STX8: variants seen among roughly 807,000 people sequenced by gnomAD.
The protein encoded by STX8 is syntaxin 8.
Under a neutral mutation model 37.5 loss-of-function variants are expected in STX8, and 23 were observed. The ratio of observed to expected loss-of-function variants is 0.61; its 90% CI spans 0.44 to 0.87. The LOEUF (loss-of-function observed/expected upper bound fraction) is 0.87. Ranked by LOEUF, STX8 falls within the 40% of genes least tolerant of loss-of-function variation. The pLI, the probability that STX8 is intolerant of heterozygous loss-of-function variation, is 0.00. For missense variants in STX8, 313 were observed against 284.7 expected (o/e 1.10, Z -0.71); for synonymous variants, 115 against 99.1 (o/e 1.16, Z -0.95).
intron 7 of STX8, among the ~76,000 whole-genome samples, chr17:9,343,805 G>A (rs1311754636): frequency 2.0e-5 from 3 of 151,962 alleles, no homozygotes; most frequent in African/African-American, 7.3e-5. Flanking sequence ...CTTCTGCTGC[G>A]AAGCTTCCAC....
Position 9,267,757 on chromosome 17 carries a change from G to A in STX8, c.644-17112C>T, listed in dbSNP as rs190088561. Among the ~76,000 whole-genome samples, 453 of 152,302 alleles carry A rather than the reference G, an allele frequency of 3.0e-3. 3 individuals are homozygous for A. Among genetic ancestry groups the A allele is most frequent in the African/African-American group, 0.01 (432 of 41,562 alleles). ...TAATCCCAGCACTTTGGGAGCCAGA[G>A]GCAGGTGGATCATCTGAGGTCAGGA... On this transcript the variant is annotated intron_variant, in intron 7 of 7. Coordinates refer to ENST00000306357, the MANE Select transcript of STX8 (RefSeq NM_004853.3).
At chr17:9,549,795 T>C (rs1436021430) in intron 3 of STX8, among the ~76,000 whole-genome samples, 1 of 152,114 alleles carries the variant, frequency 6.6e-6, no homozygotes, top group Non-Finnish European at 1.5e-5. Flanking sequence ...ATGTAAGGGT[T>C]GTTATTAGTA....
intron 6 of STX8, among the ~76,000 whole-genome samples, chr17:9,400,647 C>T (rs532718991): frequency 3.5e-4 from 54 of 152,262 alleles, no homozygotes; most frequent in African/African-American, 1.1e-3. Flanking sequence ...TCAGGTGATC[C>T]GCCTGCCTTG....
At chr17:9,315,622 A>G (rs1909358558) in intron 7 of STX8, among the ~76,000 whole-genome samples, 2 of 152,346 alleles carry the variant, frequency 1.3e-5, no homozygotes, top group South Asian at 4.1e-4. Flanking sequence ...CAACCTGTTC[A>G]GCATAAATTC....
chr17:9,293,609 A>T (rs1403869444), intron 7 of STX8, among the ~76,000 whole-genome samples: 1 of 152,152 alleles, frequency 6.6e-6, no homozygotes, highest in Non-Finnish European at 1.5e-5. Context: ...CTACCCAGAA[A>T]ATGTTACCAT....
intron 7 of STX8, among the ~76,000 whole-genome samples, chr17:9,356,581 T>C (rs1910886436): frequency 6.6e-6 from 1 of 152,224 alleles, no homozygotes; most frequent in Admixed American, 6.5e-5. Context: ...CTTCCTGTTA[T>C]GTTCTGCCAA....
At position 9,339,341 on chromosome 17, in the gene STX8, CTTAA is replaced by C. The variant is rs539440718; in HGVS notation, c.643+39207_643+39210del. 3.1e-3 allele frequency among the ~76,000 whole-genome samples: 476 copies of C among 152,202 alleles called. 1 individual carries two copies. Among genetic ancestry groups the C allele is most frequent in the Non-Finnish European group, 5.3e-3 (362 of 68,010 alleles). On this transcript the variant is annotated intron_variant, in intron 7 of 7. Transcript: ENST00000306357. ...AACCAATCAAGAAAACTTCTAGGAA[CTTAA>C]TTAACTCCAGTATAAAAGGACTCCT...
At chr17:9,281,826 C>A (rs754294138) in intron 7 of STX8, among the ~76,000 whole-genome samples, 3 of 152,090 alleles carry the variant, frequency 2.0e-5, no homozygotes, top group African/African-American at 7.2e-5. Context: ...CCCAGCTACT[C>A]GGGAGGCTGA....
At chr17:9,525,504 A>G (rs1905530425) in intron 4 of STX8, among the ~76,000 whole-genome samples, 1 of 151,244 alleles carries the variant, frequency 6.6e-6, no homozygotes, top group Admixed American at 6.6e-5. Flanking sequence ...CCGCCACCAC[A>G]CCCAGCTAAT....
chr17:9,372,512 T>C (rs1445560372), intron 7 of STX8, among the ~76,000 whole-genome samples: 1 of 152,010 alleles, frequency 6.6e-6, no homozygotes, highest in Non-Finnish European at 1.5e-5. Context: ...GAGTCATGCT[T>C]TTTTGCCCAG....
intron 5 of STX8, among the ~76,000 whole-genome samples, chr17:9,501,061 T>C (rs1376314325): frequency 6.6e-6 from 1 of 152,080 alleles, no homozygotes; most frequent in East Asian, 1.9e-4. Context: ...ATAAAAGATA[T>C]ATAAGACACG....
chr17:9,461,531 C>T (rs1407389548), intron 6 of STX8, among the ~76,000 whole-genome samples: 1 of 151,974 alleles, frequency 6.6e-6, no homozygotes, highest in African/African-American at 2.4e-5. Context: ...ACAGTAAGCC[C>T]AAAGGGAGGC....
At chr17:9,404,051 A>G (rs1394099194) in intron 6 of STX8, among the ~76,000 whole-genome samples, 3 of 152,174 alleles carry the variant, frequency 2.0e-5, no homozygotes, top group Non-Finnish European at 4.4e-5. Flanking sequence ...TGTATATGTT[A>G]TATGTATTAT....
chr17:9,466,468 A>G (rs1905619116), intron 6 of STX8, among the ~76,000 whole-genome samples: 1 of 152,172 alleles, frequency 6.6e-6, no homozygotes, highest in South Asian at 2.1e-4. Context: ...TTCCAAGATG[A>G]AAGGCATTTT....
Position 9,345,848 on chromosome 17 carries a change from C to CTTTCTTTT in STX8, c.643+32703_643+32704insAAAAGAAA, listed in dbSNP as rs1555599095. On this transcript the variant is annotated intron_variant, in intron 7 of 7. Transcript: ENST00000306357. ...CATTATACCTCCGGGTTATGCATTCCTTTTTTTTTTTTTTTTTTTTGAGAT... is the reference window on the plus strand; with the variant it reads ...CATTATACCTCCGGGTTATGCATTCCTTTCTTTTTTTTTTTTTTTTTTTTTTTTGAGAT... Among the ~76,000 whole-genome samples, 35 of 52,074 alleles carry CTTTCTTTT rather than the reference C, an allele frequency of 6.7e-4. 1 individual carries two copies. Among genetic ancestry groups the CTTTCTTTT allele is most frequent in the African/African-American group, 2.3e-3 (33 of 14,630 alleles). The allele number at this position is 52,074 out of a possible 152,430, so 34.2% of individuals were successfully genotyped here.
chr17:9,363,708 A>G (rs1911138521), intron 7 of STX8, among the ~76,000 whole-genome samples: 1 of 152,216 alleles, frequency 6.6e-6, no homozygotes, highest in South Asian at 2.1e-4. Context: ...ACTCTTAGAA[A>G]TCATACCTTA....
intron 7 of STX8, among the ~76,000 whole-genome samples, chr17:9,339,968 C>T (rs899958317): frequency 2.6e-5 from 4 of 152,210 alleles, no homozygotes; most frequent in Admixed American, 2.6e-4. Flanking sequence ...GTGTTTCTTT[C>T]TCTCTCCTGC....
chr17:9,371,460 A>AACAGC (rs1430643272), intron 7 of STX8, among the ~76,000 whole-genome samples: 1 of 152,178 alleles, frequency 6.6e-6, no homozygotes, highest in Non-Finnish European at 1.5e-5. Context: ...TCATATATAA[A>AACAGC]ACAGCCAATG....
At chr17:9,384,769 G>A (rs1036963989) in intron 6 of STX8, among the ~76,000 whole-genome samples, 11 of 146,920 alleles carry the variant, frequency 7.5e-5, no homozygotes, top group Non-Finnish European at 1.5e-4. Flanking sequence ...ACACATCAAT[G>A]GAACAAAACA....
Sources: gnomAD v4.1 joint callset for allele counts (sites outside exome capture counted in the v4.1 genomes callset) on GRCh38, gnomAD v4.1.1 for gene constraint, MANE v1.5 for transcripts, NCBI Gene and HGNC (gene_info 2026-07-23, HGNC 2026-07-21) for gene names.